Variants in VPS45 observed in about 807,000 individuals in gnomAD.
VPS45 encodes the protein vacuolar protein sorting-associated protein 45.
A neutral mutation model predicts 75.9 loss-of-function variants in VPS45; 35 were observed. The ratio of observed to expected loss-of-function variants is 0.46; its 90% CI spans 0.35 to 0.61. The LOEUF (loss-of-function observed/expected upper bound fraction) is 0.61, where lower values mean the gene tolerates loss of function less well. VPS45 is among the 20% of genes least tolerant of loss of function. The probability of loss-of-function intolerance (pLI) is 0.00; values close to 1 mark genes in which losing one functional copy is unlikely to be tolerated. For synonymous variants in VPS45, 220 were observed against 238.2 expected, an observed-to-expected ratio of 0.92 and a Z score of 0.70; for missense variants, 559 against 685.9, an observed-to-expected ratio of 0.81 and a Z score of 2.07.
intron 14 of VPS45, among the ~76,000 whole-genome samples, chr1:150,117,177 G>A (rs1283413903): frequency 1.3e-5 from 2 of 151,272 alleles, no homozygotes; most frequent in African/African-American, 4.9e-5. Flanking sequence ...CTCCAGCCTG[G>A]GCTACAGAGG....
intron 14 of VPS45, among the ~76,000 whole-genome samples, chr1:150,126,451 G>T (rs749324966): frequency 6.6e-6 from 1 of 151,982 alleles, no homozygotes; most frequent in Non-Finnish European, 1.5e-5. Context: ...CTGACCTCGT[G>T]ATCCGCCCTC....
intron 13 of VPS45, among the ~76,000 whole-genome samples, chr1:150,095,206 C>G (rs1160033366): frequency 6.6e-6 from 1 of 152,210 alleles, no homozygotes; most frequent in East Asian, 1.9e-4. Flanking sequence ...TAAGTGCTAT[C>G]CAGGAAATAA....
intron 7 of VPS45, 128 bp downstream of exon 7, chr1:150,077,907 T>A: frequency 1.3e-6 from 1 of 747,950 alleles, no homozygotes; most frequent in South Asian, 1.6e-5. Context: ...GGTTTTGCTT[T>A]GTATTTCCTG....
chr1:150,103,734 G>T (rs1657170014), intron 13 of VPS45, among the ~76,000 whole-genome samples: 1 of 152,166 alleles, frequency 6.6e-6, no homozygotes, highest in Non-Finnish European at 1.5e-5. Context: ...GTCCAGGCAG[G>T]TGATGGTCAG....
At chr1:150,082,904 A>T (rs781906764) in intron 10 of VPS45, 21 bp downstream of exon 10, 1 of 1,608,428 alleles carries the variant, frequency 6.2e-7, no homozygotes, top group East Asian at 2.2e-5. Flanking sequence ...TTTGATGAGC[A>T]CCTACTATGT....
chr1:150,120,107 T>TA (rs1478127316), intron 14 of VPS45, among the ~76,000 whole-genome samples: 150,683 of 150,840 alleles, frequency 1, 75,263 homozygotes, highest in Middle Eastern at 1. Flanking sequence ...AAACTCCATC[T>TA]AAAAAAAAAT....
chr1:150,080,636 T>C (rs1655656142), intron 7 of VPS45, among the ~76,000 whole-genome samples: 1 of 152,350 alleles, frequency 6.6e-6, no homozygotes, highest in South Asian at 2.1e-4. Flanking sequence ...GGGAACATGC[T>C]AGAAAATACT....
At chr1:150,081,236 A>G in intron 7 of VPS45, 106 bp from the exon 8 acceptor site, 3 of 1,112,284 alleles carry the variant, frequency 2.7e-6, no homozygotes, top group Non-Finnish European at 3.7e-6. Flanking sequence ...ATCTTCATGT[A>G]AAGAAGACTA....
chr1:150,096,083 A>T (rs781980531), intron 13 of VPS45, among the ~76,000 whole-genome samples: 1 of 152,188 alleles, frequency 6.6e-6, no homozygotes, highest in African/African-American at 2.4e-5. Flanking sequence ...GGTAAGAGAG[A>T]AGTCAAGAAT....
intron 14 of VPS45, among the ~76,000 whole-genome samples, chr1:150,123,346 G>T (rs1553810067): frequency 6.6e-6 from 1 of 152,124 alleles, no homozygotes; most frequent in Non-Finnish European, 1.5e-5. Context: ...ACAAGTTTTT[G>T]TGTGCGTTAA....
At chr1:150,111,975 A>G (rs1441817279) in intron 14 of VPS45, among the ~76,000 whole-genome samples, 1 of 152,142 alleles carries the variant, frequency 6.6e-6, no homozygotes, top group Non-Finnish European at 1.5e-5. Context: ...TCATTAAACA[A>G]ATATTTACTG....
chr1:150,126,525 T>G (rs1252491563), intron 14 of VPS45, among the ~76,000 whole-genome samples: 1 of 152,160 alleles, frequency 6.6e-6, no homozygotes, highest in Non-Finnish European at 1.5e-5. Flanking sequence ...TTTTTGATTT[T>G]TAAGAAGCTC....
intron 7 of VPS45, among the ~76,000 whole-genome samples, chr1:150,079,188 CA>C (rs1655560513): frequency 1.3e-5 from 2 of 151,028 alleles, no homozygotes; most frequent in Admixed American, 1.3e-4. Context: ...TGTATTCTTT[CA>C]GTCAGATATT....
intron 13 of VPS45, among the ~76,000 whole-genome samples, chr1:150,095,694 A>C (rs1258779008): frequency 2.0e-5 from 3 of 152,072 alleles, no homozygotes; most frequent in African/African-American, 7.2e-5. Context: ...AAGGTCTTGA[A>C]GAAAGAGAGA....
chr1:150,134,185 A>G (rs782761869), intron 14 of VPS45, among the ~76,000 whole-genome samples: 1 of 152,242 alleles, frequency 6.6e-6, no homozygotes, highest in African/African-American at 2.4e-5. Context: ...CTTATTATAT[A>G]GAAAATTTAT....
chr1:150,128,203 A>G (rs1658616031), intron 14 of VPS45, among the ~76,000 whole-genome samples: 1 of 151,834 alleles, frequency 6.6e-6, no homozygotes, highest in African/African-American at 2.4e-5. Flanking sequence ...TCGGGAGGCT[A>G]AGATGGGAGG....
chr1:150,143,939 T>C (rs1659541189), intron 14 of VPS45, among the ~76,000 whole-genome samples: 1 of 152,292 alleles, frequency 6.6e-6, no homozygotes, highest in South Asian at 2.1e-4. Flanking sequence ...CATATATGCA[T>C]ATATACACAC....
In VPS45 at chr1:150,067,936, A is replaced by C; in HGVS notation, c.79A>C (p.Met27Leu). Reference protein sequence around the residue: ...DSGPGMKVLLMDKETTGIVSM... With the variant: ...DSGPGMKVLLLDKETTGIVSM... The stretch of plus-strand genomic sequence containing the variant: ...CGGGCCTGGTATGAAAGTACTTCTC[A>C]TGGATAAAGAGACGGTGAGTTTGCT... The change falls in exon 1 of 15, where the codon ATG (methionine) becomes CTG (leucine). Residue 27 changes from methionine to leucine, a missense_variant. Transcript: ENST00000644510. The C allele has an allele frequency of 6.2e-7, 1 of 1,614,194 alleles. No individual in the cohort carries two copies. Among genetic ancestry groups the C allele is most frequent in the South Asian group, 1.1e-5 (1 of 91,088 alleles).
intron 2 of VPS45, among the ~76,000 whole-genome samples, chr1:150,070,119 T>G (rs1156985739): frequency 6.6e-6 from 1 of 152,168 alleles, no homozygotes; most frequent in Admixed American, 6.5e-5. Flanking sequence ...CCTTCACTGT[T>G]TTTGCTGACC....
Sources: gnomAD v4.1 joint callset for allele counts (sites outside exome capture counted in the v4.1 genomes callset) on GRCh38, gnomAD v4.1.1 for gene constraint, MANE v1.5 for transcripts, NCBI Gene and HGNC (gene_info 2026-07-23, HGNC 2026-07-21) for gene names.